AVL9: variants seen among roughly 807,000 people sequenced by gnomAD.
AVL9 encodes the protein AVL9 cell migration associated.
Under a neutral mutation model 79.2 loss-of-function variants are expected in AVL9, and 49 were observed. That is an observed-to-expected ratio of 0.62 (90% confidence interval 0.49 to 0.79). The LOEUF is 0.79. AVL9 is among the 30% of genes least tolerant of loss of function. The probability of loss-of-function intolerance (pLI) is 0.00; values close to 1 mark genes in which losing one functional copy is unlikely to be tolerated. For missense variants in AVL9, 682 were observed against 776.8 expected, an observed-to-expected ratio of 0.88 and a Z score of 1.45; for synonymous variants, 299 against 280.6, an observed-to-expected ratio of 1.07 and a Z score of -0.65.
chr7:32,498,030 A>G (rs930655581), intron 1 of AVL9, among the ~76,000 whole-genome samples: 4 of 152,196 alleles, frequency 2.6e-5, no homozygotes, highest in African/African-American at 9.7e-5. Context: ...TAACTTTTAA[A>G]TAGAAGTGAC....
chr7:32,577,583 G>C (rs1791159147), intron 13 of AVL9, among the ~76,000 whole-genome samples: 1 of 152,154 alleles, frequency 6.6e-6, no homozygotes, highest in South Asian at 2.1e-4. Flanking sequence ...TGTCCAAGCA[G>C]TCAACATGCA....
intron 10 of AVL9, among the ~76,000 whole-genome samples, chr7:32,561,660 C>T: frequency 6.6e-6 from 1 of 152,166 alleles, no homozygotes; most frequent in Non-Finnish European, 1.5e-5. Context: ...AAAACAAAAA[C>T]AAAAACACTT....
chr7:32,505,516 T>TC (rs1787370389), intron 1 of AVL9, among the ~76,000 whole-genome samples: 1 of 55,000 alleles, frequency 1.8e-5, no homozygotes, highest in Non-Finnish European at 3.4e-5. Context: ...AGAGCAAAAC[T>TC]CCGTCTCAAA....
Position 32,584,199 on chromosome 7 carries a change from G to T in AVL9, c.*292G>T. 6 of 368,258 alleles carry T rather than the reference G, an allele frequency of 1.6e-5. No individual in the cohort carries two copies. The highest frequency in any genetic ancestry group is 4.0e-5 in the Admixed American group (1 of 24,978). The allele number at this position is 368,258 out of a possible 1,614,324, so 22.8% of individuals were successfully genotyped here. On this transcript the variant is annotated 3_prime_UTR_variant, in exon 16 of 16. Coordinates refer to ENST00000318709, the MANE Select transcript of AVL9 (RefSeq NM_015060.3). ...ATTTTGAGTTCTGATATTGTACATT[G>T]GTTTACTTTAGAAGAGTTTTTACTT...
At chr7:32,580,154 T>C (rs1364671483) in intron 13 of AVL9, 65 bp from the exon 14 acceptor site, 2 of 1,267,644 alleles carry the variant, frequency 1.6e-6, no homozygotes. Context: ...TATTTTCTTG[T>C]GATAACTCTT....
chr7:32,570,776 C>T (rs1790800283), intron 11 of AVL9, among the ~76,000 whole-genome samples: 1 of 151,204 alleles, frequency 6.6e-6, no homozygotes, highest in Non-Finnish European at 1.5e-5. Context: ...CCCGCCACCA[C>T]GCTCGGCTAA....
chr7:32,581,071 A>C, intron 15 of AVL9, 181 bp downstream of exon 15: 1 of 503,520 alleles, frequency 2.0e-6, no homozygotes, highest in Admixed American at 4.8e-5. Flanking sequence ...AAATGGTCAA[A>C]CTCCATTATC....
intron 8 of AVL9, among the ~76,000 whole-genome samples, chr7:32,556,819 G>T (rs1258472446): frequency 6.6e-6 from 1 of 152,026 alleles, no homozygotes; most frequent in African/African-American, 2.4e-5. Context: ...AGGCTAGAGT[G>T]CAGCGGTGTG....
At chr7:32,566,087 T>C (rs2128145405) in intron 10 of AVL9, among the ~76,000 whole-genome samples, 1 of 150,524 alleles carries the variant, frequency 6.6e-6, no homozygotes, top group South Asian at 2.1e-4. Context: ...CAGTGAGCCA[T>C]GGTCATGTCA....
rs1790236058 is a variant in AVL9, at chr7:32,559,408, C to A, written c.1159C>A (p.Leu387Ile). 2 of 1,608,264 alleles carry A rather than the reference C, an allele frequency of 1.2e-6. No individual in the cohort carries two copies. Among genetic ancestry groups the A allele is most frequent in the Non-Finnish European group, 1.7e-6 (2 of 1,177,602 alleles). Residue 387 changes from leucine to isoleucine, a missense_variant, in exon 10 of 16, where the codon CTC becomes ATC. By Grantham distance (5) the Leu-to-Ile change is conservative. Coordinates refer to ENST00000318709, the MANE Select transcript of AVL9 (RefSeq NM_015060.3). ...NTGQVVLIPG[L>I]ISGLEEDQYG... is the part of the protein sequence containing the mutation. The stretch of plus-strand genomic sequence containing the variant: ...GGGACAGGTAGTCCTGATACCAGGG[C>A]TCATTTCGGGTTTGGAAGAGGATCA...
intron 1 of AVL9, among the ~76,000 whole-genome samples, chr7:32,529,316 CT>C (rs1475583018): frequency 2.0e-5 from 3 of 152,298 alleles, no homozygotes; most frequent in African/African-American, 4.8e-5. Context: ...GGGGACCCCC[CT>C]ATCACGCCTG....
At chr7:32,529,678 C>T (rs1346400199) in intron 1 of AVL9, among the ~76,000 whole-genome samples, 2 of 152,098 alleles carry the variant, frequency 1.3e-5, no homozygotes, top group Non-Finnish European at 2.9e-5. Context: ...CATTTGAACA[C>T]TTCATCTTCA....
chr7:32,554,685 T>A, intron 8 of AVL9, 89 bp downstream of exon 8: 1 of 895,468 alleles, frequency 1.1e-6, no homozygotes, highest in South Asian at 2.3e-5. Flanking sequence ...AAACTAATGA[T>A]AAAGTATTAA....
chr7:32,561,589 C>T (rs1790335436), intron 10 of AVL9, among the ~76,000 whole-genome samples: 1 of 152,230 alleles, frequency 6.6e-6, no homozygotes, highest in African/African-American at 2.4e-5. Context: ...TGCATATCAG[C>T]AATAAGGCTG....
At chr7:32,548,389 C>T (rs960817259) in intron 3 of AVL9, among the ~76,000 whole-genome samples, 3 of 151,986 alleles carry the variant, frequency 2.0e-5, no homozygotes, top group African/African-American at 7.3e-5. Flanking sequence ...CTCAGGTGAC[C>T]CACCCACCTC....
chr7:32,537,780 A>G (rs1302069784), intron 1 of AVL9: 2 of 152,174 alleles, frequency 1.3e-5, no homozygotes, highest in Admixed American at 6.5e-5. Flanking sequence ...GAGTTTTAAT[A>G]AACAGTTTTG....
At chr7:32,497,819 TTTTTTGTA>T (rs905312898) in intron 1 of AVL9, among the ~76,000 whole-genome samples, 13 of 152,096 alleles carry the variant, frequency 8.5e-5, no homozygotes, top group African/African-American at 3.1e-4. Context: ...GCCCGGCTAA[TTTTTTGTA>T]TTTTTAGTAG....
At chr7:32,559,512 C>A (rs761487773) in intron 10 of AVL9, 48 bp downstream of exon 10, 2 of 1,495,352 alleles carry the variant, frequency 1.3e-6, no homozygotes, top group Admixed American at 2.3e-5. Flanking sequence ...TTTGAAAAAT[C>A]CTTTCGGAGT....
At position 32,587,809 on chromosome 7, in the gene AVL9, A is replaced by G. The variant is rs1269410755; in HGVS notation, c.*3902A>G. 2 of 152,156 alleles carry G rather than the reference A, an allele frequency of 1.3e-5. No individual in the cohort carries two copies. The highest frequency in any genetic ancestry group is 2.4e-5 in the African/African-American group (1 of 41,424). 9.4% of individuals were successfully genotyped at this position (152,156 alleles called of 1,614,324 possible). On this transcript the variant is annotated 3_prime_UTR_variant, in exon 16 of 16. Transcript: ENST00000318709. ...AGTTCTTTGGACTTCGTAACATTGG[A>G]ATTGTTTTTCCATAATTTCCGGCAT... is the stretch of plus-strand genomic sequence containing the variant.
Sources: allele counts gnomAD v4.1 joint callset (sites outside exome capture counted in the v4.1 genomes callset), GRCh38; gene constraint gnomAD v4.1.1; transcripts MANE v1.5; gene names NCBI Gene and HGNC (gene_info 2026-07-23, HGNC 2026-07-21).